Variants in PLGRKT observed in about 807,000 individuals in gnomAD.
PLGRKT encodes plasminogen receptor with a C-terminal lysine.
In PLGRKT, 22 loss-of-function variants were observed where a neutral mutation model predicts 18.5. The ratio of observed to expected loss-of-function variants is 1.19; its 90% CI spans 0.85 to 1.70. PLGRKT has a LOEUF of 1.70. PLGRKT is among the 40% of genes most tolerant of loss of function. The pLI is 0.00. For synonymous variants in PLGRKT, 72 were observed against 52.8 expected (o/e 1.36, Z -1.58); for missense variants, 235 against 174.4 (o/e 1.35, Z -1.96).
intron 3 of PLGRKT, among the ~76,000 whole-genome samples, chr9:5,401,556 G>A (rs1818154327): frequency 1.3e-5 from 2 of 151,924 alleles, no homozygotes; most frequent in Admixed American, 6.5e-5. Context: ...CAGATGAACA[G>A]GAAGACTTTG....
At position 5,361,156 on chromosome 9, in the gene PLGRKT, C is replaced by G. The variant is rs771960690; in HGVS notation, c.244G>C (p.Val82Leu). 7.5e-6 allele frequency: 12 copies of G among 1,609,342 alleles called. No individual in the cohort carries two copies. The highest frequency in any genetic ancestry group is 1.0e-5 in the Non-Finnish European group (12 of 1,177,148). Residue 82 changes from valine to leucine, a missense_variant, in exon 5 of 6, where the codon GTC (valine) becomes CTC (leucine). Coordinates refer to ENST00000223864, the MANE Select transcript of PLGRKT (RefSeq NM_018465.4). ...AIKKKKPAFL[V>L]PIVPLSFILT... Reference sequence around the variant, plus strand: ...ATAAAGCTTAATGGAACAATCGGGACCAGGAAGGCTGGCTTCTTTTTTTTA... The same window carrying G: ...ATAAAGCTTAATGGAACAATCGGGAGCAGGAAGGCTGGCTTCTTTTTTTTA...
intron 3 of PLGRKT, among the ~76,000 whole-genome samples, chr9:5,373,812 T>C (rs750482049): frequency 6.6e-6 from 1 of 152,032 alleles, no homozygotes; most frequent in Non-Finnish European, 1.5e-5. Context: ...AAGAATTGTC[T>C]ATGCTTAAGG....
chr9:5,438,055 C>G (rs1373060781), upstream of PLGRKT, among the ~76,000 whole-genome samples: 1 of 152,204 alleles, frequency 6.6e-6, no homozygotes, highest in African/African-American at 2.4e-5. Flanking sequence ...AAATTCAAAG[C>G]CGCGGCGACT....
intron 3 of PLGRKT, among the ~76,000 whole-genome samples, chr9:5,411,384 CAAA>C (rs78144379): frequency 8.2e-6 from 1 of 122,442 alleles, no homozygotes. Context: ...GACCCTGTTT[CAAA>C]AAAAAAAAAA....
At chr9:5,380,386 A>G (rs918055772) in intron 3 of PLGRKT, among the ~76,000 whole-genome samples, 3 of 151,710 alleles carry the variant, frequency 2.0e-5, no homozygotes, top group African/African-American at 7.3e-5. Flanking sequence ...AAAAAAAAAA[A>G]AAAGAATAAA....
Position 5,418,815 on chromosome 9 carries a change from G to A in PLGRKT, c.81+13082C>T, listed in dbSNP as rs1371706078. On this transcript the variant is annotated intron_variant, in intron 3 of 5. Transcript: ENST00000223864. This position sits in a 1 kb window ranked among gnomAD's most constrained non-coding sequence, Gnocchi z 4.2. The stretch of plus-strand genomic sequence containing the variant: ...AGTCAGGGGGCAGCTTGGTGACACC[G>A]CTGCACCAGGGGCATCGCACATCCT... The A allele has an allele frequency of 2.2e-5, 21 of 960,904 alleles. No homozygotes were observed. Among genetic ancestry groups the A allele is most frequent in the East Asian group, 1.5e-4 (6 of 39,506 alleles). The allele number at this position is 960,904 out of a possible 1,614,324, so 59.5% of individuals were successfully genotyped here.
chr9:5,361,967 C>CG, intron 3 of PLGRKT, 79 bp from the exon 4 acceptor site: 1 of 1,348,292 alleles, frequency 7.4e-7, no homozygotes, highest in Non-Finnish European at 1.0e-6. Flanking sequence ...GTTTTTCCAG[C>CG]GGATTCATTC....
intron 3 of PLGRKT, among the ~76,000 whole-genome samples, chr9:5,384,018 C>T (rs762833207): frequency 2.4e-4 from 37 of 152,344 alleles, no homozygotes; most frequent in Non-Finnish European, 8.8e-5. Context: ...CATGGAGCCA[C>T]TCCACTGTCA....
chr9:5,378,990 A>C (rs1182883753), intron 3 of PLGRKT, among the ~76,000 whole-genome samples: 1 of 152,170 alleles, frequency 6.6e-6, no homozygotes, highest in African/African-American at 2.4e-5. Context: ...TTGAAATCAC[A>C]TAGGCCATAT....
At chr9:5,380,589 C>T (rs991008189) in intron 3 of PLGRKT, among the ~76,000 whole-genome samples, 2 of 152,032 alleles carry the variant, frequency 1.3e-5, no homozygotes, top group Non-Finnish European at 2.9e-5. Flanking sequence ...CCCCTAAACA[C>T]CCTTTTCCTT....
At chr9:5,376,296 C>G (rs1207544224) in intron 3 of PLGRKT, among the ~76,000 whole-genome samples, 1 of 152,118 alleles carries the variant, frequency 6.6e-6, no homozygotes, top group Non-Finnish European at 1.5e-5. Context: ...CAAGGCAGCA[C>G]AAGGGAGAGG....
At chr9:5,360,016 C>G (rs1202689874) in intron 5 of PLGRKT, among the ~76,000 whole-genome samples, 1 of 152,134 alleles carries the variant, frequency 6.6e-6, no homozygotes, top group African/African-American at 2.4e-5. Flanking sequence ...CTGTAGCCAG[C>G]CTATGTTGCA....
chr9:5,437,844 C>T lies in PLGRKT; in HGVS notation c.-188G>A, dbSNP rs1034186653. Reference sequence around the variant, plus strand: ...CGGTACGCAAACCTCCAGGCCCGGGCTCCTTTCGCCCGCTGCAGGGACCGG... The same window carrying T: ...CGGTACGCAAACCTCCAGGCCCGGGTTCCTTTCGCCCGCTGCAGGGACCGG... On this transcript the variant is annotated 5_prime_UTR_variant, in exon 1 of 6. Transcript: ENST00000223864. The T allele has an allele frequency of 1.3e-5, 2 of 152,272 alleles. No individual in the cohort carries two copies. The highest frequency in any genetic ancestry group is 4.8e-5 in the African/African-American group (2 of 41,472). 9.4% of individuals were successfully genotyped at this position (152,272 alleles called of 1,614,324 possible).
chr9:5,435,149 T>C (rs964357306), intron 2 of PLGRKT, among the ~76,000 whole-genome samples: 1 of 151,984 alleles, frequency 6.6e-6, no homozygotes, highest in Non-Finnish European at 1.5e-5. Context: ...CACCACTCCC[T>C]AATCTCAAGT....
chr9:5,433,957 G>A (rs914981516), intron 2 of PLGRKT, among the ~76,000 whole-genome samples: 2 of 123,800 alleles, frequency 1.6e-5, no homozygotes, highest in African/African-American at 3.2e-5. Context: ...CGCCCCGTCT[G>A]GGAGGAAGTG....
At chr9:5,362,214 T>C (rs112803672) in intron 3 of PLGRKT, among the ~76,000 whole-genome samples, 4 of 152,366 alleles carry the variant, frequency 2.6e-5, no homozygotes, top group African/African-American at 7.2e-5. Context: ...GAAAGATCTA[T>C]GGGTCTTTAA....
intron 5 of PLGRKT, among the ~76,000 whole-genome samples, chr9:5,358,605 C>T (rs1324623478): frequency 1.3e-5 from 2 of 152,154 alleles, no homozygotes; most frequent in African/African-American, 4.8e-5. Flanking sequence ...AGAGAAAGAA[C>T]ATCAAGATAA....
At chr9:5,383,460 C>G (rs2104175) in intron 3 of PLGRKT, among the ~76,000 whole-genome samples, 112,267 of 152,072 alleles carry the variant, frequency 0.74, 42,555 homozygotes, top group African/African-American at 0.92. Flanking sequence ...ACCAGGTTGA[C>G]GGATGGTTTC....
chr9:5,359,787 A>G (rs1817222812), intron 5 of PLGRKT, among the ~76,000 whole-genome samples: 2 of 152,252 alleles, frequency 1.3e-5, no homozygotes, highest in South Asian at 2.1e-4. Context: ...GGCAATAAAA[A>G]TCAGGATTCT....
Sources: gnomAD v4.1 joint callset for allele counts (sites outside exome capture counted in the v4.1 genomes callset) on GRCh38, gnomAD v4.1.1 for gene constraint, Gnocchi (gnomAD v3.1) non-coding constraint, MANE v1.5 for transcripts, NCBI Gene and HGNC (gene_info 2026-07-23, HGNC 2026-07-21) for gene names.